The following CACNA1D variants were observed in gnomAD, a reference collection of about 807,000 sequenced individuals.
CACNA1D encodes calcium voltage-gated channel subunit alpha1 D.
A neutral mutation model predicts 257.1 loss-of-function variants in CACNA1D; 55 were observed. That is an observed-to-expected ratio of 0.21 (90% CI 0.17 to 0.27). The LOEUF (loss-of-function observed/expected upper bound fraction) is 0.27, where lower values mean the gene tolerates loss of function less well. Among genes scored for constraint, CACNA1D ranks in the 10% least tolerant of loss-of-function variants. The probability of loss-of-function intolerance (pLI) is 1.00; values close to 1 mark genes in which losing one functional copy is unlikely to be tolerated. For synonymous variants in CACNA1D, 980 were observed against 1,014.9 expected, an observed-to-expected ratio of 0.97 and a Z score of 0.65; for missense variants, 1,876 against 2,784.0, an observed-to-expected ratio of 0.67 and a Z score of 7.34.
chr3:53,522,340 GCTT>G, intron 3 of CACNA1D, among the ~76,000 whole-genome samples: 1 of 152,248 alleles, frequency 6.6e-6, no homozygotes, highest in Admixed American at 6.5e-5. Flanking sequence ...TGCTGCTCAG[GCTT>G]CTTCTTTATG....
intron 18 of CACNA1D, among the ~76,000 whole-genome samples, chr3:53,732,325 G>C (rs1002006507): frequency 7.2e-5 from 11 of 152,220 alleles, no homozygotes; most frequent in Non-Finnish European, 1.6e-4. Flanking sequence ...CTTCTGCTGG[G>C]AGACTGGTCC....
intron 20 of CACNA1D, 143 bp from the exon 21 acceptor site, chr3:53,740,137 T>C (rs1394947620): frequency 2.7e-6 from 2 of 749,522 alleles, no homozygotes; most frequent in Non-Finnish European, 4.9e-6. Context: ...CATTCACCCG[T>C]GGCTCTGCAC....
intron 45 of CACNA1D, chr3:53,808,286 C>G: frequency 3.7e-6 from 1 of 272,024 alleles, no homozygotes; most frequent in Non-Finnish European, 7.2e-6. Flanking sequence ...TGGTGGCGGG[C>G]GCCTGTAGTC....
intron 30 of CACNA1D, chr3:53,762,430 A>T: frequency 2.4e-6 from 1 of 422,312 alleles, no homozygotes; most frequent in South Asian, 1.9e-5. Context: ...TTTTAGGGGG[A>T]TGTTTCAAGT....
intron 46 of CACNA1D, chr3:53,809,100 G>A: frequency 3.1e-6 from 1 of 320,466 alleles, no homozygotes; most frequent in South Asian, 4.3e-5. Context: ...AGGGAGTGGG[G>A]GCCACTTGGC....
chr3:53,670,232 G>A (rs1233550095), intron 7 of CACNA1D, among the ~76,000 whole-genome samples: 2 of 152,146 alleles, frequency 1.3e-5, no homozygotes, highest in African/African-American at 4.8e-5. Flanking sequence ...TGCATGCTCT[G>A]GGGTGTTAAA....
intron 20 of CACNA1D, among the ~76,000 whole-genome samples, chr3:53,737,733 G>T (rs958711446): frequency 1.3e-5 from 2 of 152,244 alleles, no homozygotes; most frequent in African/African-American, 4.8e-5. Context: ...TGAGGCAGGA[G>T]AATCGCTTGA....
At chr3:53,731,743 T>C (rs908254521) in intron 17 of CACNA1D, among the ~76,000 whole-genome samples, 2 of 152,128 alleles carry the variant, frequency 1.3e-5, no homozygotes, top group African/African-American at 4.8e-5. Flanking sequence ...ATGGTATGAG[T>C]GAATGTGCTG....
At chr3:53,521,876 C>G (rs1005141129) in intron 3 of CACNA1D, among the ~76,000 whole-genome samples, 1 of 151,424 alleles carries the variant, frequency 6.6e-6, no homozygotes, top group Admixed American at 6.6e-5. Flanking sequence ...GCCCATAATC[C>G]CAGTATTTTG....
intron 4 of CACNA1D, among the ~76,000 whole-genome samples, chr3:53,657,478 T>A (rs2094159552): frequency 6.6e-6 from 1 of 152,170 alleles, no homozygotes; most frequent in Non-Finnish European, 1.5e-5. Context: ...GTTTGTTGCT[T>A]AGGCTTATGC....
intron 7 of CACNA1D, among the ~76,000 whole-genome samples, chr3:53,669,094 A>T (rs944333840): frequency 2.6e-5 from 4 of 152,220 alleles, no homozygotes; most frequent in African/African-American, 9.6e-5. Flanking sequence ...CAGCTAAGTA[A>T]TGTCTTCCCG....
chr3:53,690,279 A>T (rs1009950807), intron 8 of CACNA1D, among the ~76,000 whole-genome samples: 1 of 152,182 alleles, frequency 6.6e-6, no homozygotes, highest in Non-Finnish European at 1.5e-5. Context: ...CAGCTGCTGT[A>T]TTCTCAAAGC....
rs142184099 is a variant in CACNA1D, at chr3:53,805,089, G to T, written c.5692G>T (p.Val1898Phe). Residue 1898 changes from valine (V) to phenylalanine (F), a missense_variant, in exon 45 of 48, where the codon GTT (valine) becomes TTT (phenylalanine). Physicochemically the swap from Val to Phe is conservative, Grantham distance 50. Transcript: ENST00000350061. ...QGFLEDDDSPVCYDSRRSPRR... is the reference protein window; with the variant it reads ...QGFLEDDDSPFCYDSRRSPRR... ...ATTCTTGGAGGACGATGACTCGCCC[G>T]TTTGCTATGATTCACGGAGATCTCC... 4 of 1,613,974 alleles carry T rather than the reference G, an allele frequency of 2.5e-6. No individual in the cohort carries two copies. Among genetic ancestry groups the T allele is most frequent in the African/African-American group, 2.7e-5 (2 of 74,904 alleles).
At position 53,672,758 on chromosome 3, in the gene CACNA1D, C is replaced by CTGTGTGTGTG. The variant is rs57956658; in HGVS notation, c.1117-213_1117-204dup. Among the ~76,000 whole-genome samples the CTGTGTGTGTG allele has an allele frequency of 4.8e-3, 455 of 95,078 alleles. 10 individuals carry two copies. Among genetic ancestry groups the CTGTGTGTGTG allele is most frequent in the Middle Eastern group, 0.011 (2 of 176 alleles). The allele number at this position is 95,078 out of a possible 152,430, so 62.4% of individuals were successfully genotyped here. A position where few individuals can be genotyped will look rare whatever the true frequency, so the allele number is the denominator to read the frequency against. ...ATTCGGCCTGAAAGCCTTGATGACT[C>CTGTGTGTGTG]TGTGTGTGTGTGTGTGTGTGTGTGT... On this transcript the variant is annotated intron_variant, in intron 7 of 47. Coordinates refer to ENST00000350061, the MANE Select transcript of CACNA1D (RefSeq NM_001128840.3).
intron 3 of CACNA1D, among the ~76,000 whole-genome samples, chr3:53,587,525 A>T (rs764511660): frequency 1.5e-4 from 23 of 152,170 alleles, no homozygotes; most frequent in Admixed American, 7.9e-4. Context: ...AAAGTATGTT[A>T]TGTGGAAACT....
chr3:53,694,169 C>T (rs1434251804), intron 8 of CACNA1D, among the ~76,000 whole-genome samples: 3 of 152,144 alleles, frequency 2.0e-5, no homozygotes, highest in African/African-American at 7.2e-5. Flanking sequence ...AATCCTGGGG[C>T]ATGTGAGTGT....
At chr3:53,764,490 G>C (rs1283753971) in intron 30 of CACNA1D, among the ~76,000 whole-genome samples, 2 of 152,240 alleles carry the variant, frequency 1.3e-5, no homozygotes, top group East Asian at 1.9e-4. Flanking sequence ...CAGGTGGTGG[G>C]TGTAAACACT....
intron 3 of CACNA1D, among the ~76,000 whole-genome samples, chr3:53,608,763 A>G (rs995461796): frequency 9.2e-5 from 14 of 152,214 alleles, no homozygotes; most frequent in East Asian, 5.8e-4. Flanking sequence ...TTCCACTAAT[A>G]TAGTAAATAG....
chr3:53,672,931 A>G lies in CACNA1D; in HGVS notation c.1117-92A>G, dbSNP rs2094339752. Reference sequence around the variant, plus strand: ...TTTAAATCTAAGTAAATGTTTAATTAAATGTATAGAATGCTGTCTCTAATG... The same window carrying G: ...TTTAAATCTAAGTAAATGTTTAATTGAATGTATAGAATGCTGTCTCTAATG... On this transcript the variant is annotated intron_variant, in intron 7 of 47. Coordinates refer to ENST00000350061, the MANE Select transcript of CACNA1D (RefSeq NM_001128840.3). 1.8e-5 allele frequency: 15 copies of G among 811,964 alleles called. 1 individual carries two copies. In the South Asian group the frequency reaches 2.2e-4, roughly 12 times the overall value. 50.3% of individuals were successfully genotyped at this position (811,964 alleles called of 1,614,324 possible). A position where few individuals can be genotyped will look rare whatever the true frequency, so the allele number is the denominator to read the frequency against.
Sources: allele counts gnomAD v4.1 joint callset (sites outside exome capture counted in the v4.1 genomes callset), GRCh38; gene constraint gnomAD v4.1.1; transcripts MANE v1.5; gene names NCBI Gene and HGNC (gene_info 2026-07-23, HGNC 2026-07-21).